The following TSNARE1 variants were observed in gnomAD, a reference collection of about 807,000 sequenced individuals.
The protein encoded by TSNARE1 is t-SNARE domain containing 1.
TSNARE1 carries 49 observed loss-of-function variants against 62.0 expected under a neutral mutation model. That is an observed-to-expected ratio of 0.79 (90% CI 0.63 to 1.00). TSNARE1 has a LOEUF of 1.00. Among genes scored for constraint, TSNARE1 ranks in the 50% least tolerant of loss-of-function variants. The pLI is 0.00. For missense variants in TSNARE1, 755 were observed against 700.1 expected (o/e 1.08, Z -0.88); for synonymous variants, 328 against 294.4 (o/e 1.11, Z -1.17).
Position 142,353,398 on chromosome 8 carries a change from A to G in TSNARE1, c.88+1239T>C, listed in dbSNP as rs560017696. 9.2e-5 allele frequency among the ~76,000 whole-genome samples: 14 copies of G among 152,248 alleles called. No homozygotes were observed. In the South Asian group the frequency reaches 2.9e-3, roughly 32 times the overall value. On this transcript the variant is annotated intron_variant, in intron 2 of 13. Coordinates refer to ENST00000524325, the MANE Select transcript of TSNARE1 (RefSeq NM_145003.5). ...AGGAGGAAAGGGAGGCAGAAGTGGG[A>G]GGAGACCAGGCCAGCCCGGCACTCC... is the stretch of plus-strand genomic sequence containing the variant.
At chr8:142,224,756 G>C (rs1348776817) in intron 13 of TSNARE1, among the ~76,000 whole-genome samples, 1 of 151,956 alleles carries the variant, frequency 6.6e-6, no homozygotes, top group African/African-American at 2.4e-5. Context: ...GAGCTCCCAG[G>C]CTGGCATGGC....
intron 13 of TSNARE1, among the ~76,000 whole-genome samples, chr8:142,219,945 G>A (rs556854515): frequency 6.6e-6 from 1 of 152,368 alleles, no homozygotes; most frequent in South Asian, 2.1e-4. Context: ...AGCAGGAGGT[G>A]AGGAAGAGAC....
At chr8:142,371,358 A>G (rs1454368111) in intron 1 of TSNARE1, among the ~76,000 whole-genome samples, 3 of 152,230 alleles carry the variant, frequency 2.0e-5, no homozygotes, top group Non-Finnish European at 4.4e-5. Context: ...GCCAGGGGCT[A>G]GGGGTCGGCC....
chr8:142,276,065 C>T lies in TSNARE1; in HGVS notation c.1364-1202G>A, dbSNP rs895714588. 3 of 985,324 alleles carry T rather than the reference C, an allele frequency of 3.0e-6. No individual in the cohort carries two copies. The Admixed American group carries it at 1.8e-4, about 61-fold the overall frequency. The allele number at this position is 985,324 out of a possible 1,614,324, so 61.0% of individuals were successfully genotyped here. A position where few individuals can be genotyped will look rare whatever the true frequency, so the allele number is the denominator to read the frequency against. On this transcript the variant is annotated intron_variant, in intron 11 of 13. Coordinates refer to ENST00000524325, the MANE Select transcript of TSNARE1 (RefSeq NM_145003.5). ...CCTTGGTCACCAGCTCCACCCCACCCTTGCCCCCAGCGCAGGGCCCTAGTG... is the reference window on the plus strand; with the variant it reads ...CCTTGGTCACCAGCTCCACCCCACCTTTGCCCCCAGCGCAGGGCCCTAGTG...
chr8:142,366,853 A>G (rs1835583147), intron 1 of TSNARE1, among the ~76,000 whole-genome samples: 1 of 152,228 alleles, frequency 6.6e-6, no homozygotes, highest in Non-Finnish European at 1.5e-5. Flanking sequence ...CTTGTAAATG[A>G]TATGACAGTA....
rs7818102 is a variant in TSNARE1, at chr8:142,358,224, G to A, written c.-39-3461C>T. On this transcript the variant is annotated intron_variant, in intron 1 of 13. Coordinates refer to ENST00000524325, the MANE Select transcript of TSNARE1 (RefSeq NM_145003.5). ...TCTGCTGGGTTTCAGGACAAGGGGA[G>A]CAGCCAGCGGCCATCACTGCAAAGG... 1.4e-4 allele frequency among the ~76,000 whole-genome samples: 9 copies of A among 63,954 alleles called. 1 individual carries two copies. The East Asian group carries it at 2.6e-3, about 19-fold the overall frequency. The allele number at this position is 63,954 out of a possible 152,430, so 42.0% of individuals were successfully genotyped here. A position where few individuals can be genotyped will look rare whatever the true frequency, so the allele number is the denominator to read the frequency against.
chr8:142,391,312 T>A (rs1025233938), intron 1 of TSNARE1, among the ~76,000 whole-genome samples: 7 of 139,434 alleles, frequency 5.0e-5, no homozygotes, highest in Non-Finnish European at 1.1e-4. Context: ...TGTACACTGC[T>A]GGAGACTCTG....
chr8:142,363,360 C>T (rs1012863955), intron 1 of TSNARE1, among the ~76,000 whole-genome samples: 2 of 152,076 alleles, frequency 1.3e-5, no homozygotes, highest in Non-Finnish European at 2.9e-5. Flanking sequence ...CCTGGGGAGA[C>T]GTGGCCTTTT....
intron 1 of TSNARE1, among the ~76,000 whole-genome samples, chr8:142,390,264 G>A (rs1380856273): frequency 6.7e-6 from 1 of 149,844 alleles, no homozygotes; most frequent in Non-Finnish European, 1.5e-5. Context: ...TACACTGCTG[G>A]GGACTCCGTA....
chr8:142,333,259 A>G (rs959504322), intron 4 of TSNARE1, among the ~76,000 whole-genome samples: 1 of 152,210 alleles, frequency 6.6e-6, no homozygotes, highest in African/African-American at 2.4e-5. Context: ...AGCAGCGTTC[A>G]GAAGGAAGCA....
chr8:142,322,596 A>C (rs1470129727), intron 6 of TSNARE1, among the ~76,000 whole-genome samples: 1 of 152,246 alleles, frequency 6.6e-6, no homozygotes, highest in Admixed American at 6.5e-5. Flanking sequence ...AGTACACAGA[A>C]GTCTCTTATA....
intron 1 of TSNARE1, among the ~76,000 whole-genome samples, chr8:142,369,071 C>A (rs1467635153): frequency 1.3e-5 from 2 of 152,252 alleles, no homozygotes; most frequent in Non-Finnish European, 2.9e-5. Flanking sequence ...TGCAATGAGA[C>A]AACCGCCACC....
Position 142,345,662 on chromosome 8 carries a change from T to G in TSNARE1, c.238+81A>C, listed in dbSNP as rs979359967. 3 of 1,436,160 alleles carry G rather than the reference T, an allele frequency of 2.1e-6. No individual in the cohort carries two copies. In the African/African-American group the frequency reaches 4.4e-5, roughly 21 times the overall value. 89.0% of individuals were successfully genotyped at this position (1,436,160 alleles called of 1,614,324 possible). The stretch of plus-strand genomic sequence containing the variant: ...CAGCCTCCTCCCTGCAGCTCCCACC[T>G]GCTGACCCTGCCCTCCTCAGCACCT... On this transcript the variant is annotated intron_variant, in intron 3 of 13. Coordinates refer to ENST00000524325, the MANE Select transcript of TSNARE1 (RefSeq NM_145003.5).
intron 12 of TSNARE1, chr8:142,270,608 T>G (rs1377843016): frequency 2.0e-6 from 2 of 985,044 alleles, no homozygotes; most frequent in African/African-American, 3.5e-5. Flanking sequence ...GCCCTCCAAG[T>G]GTGCATGCCC....
intron 1 of TSNARE1, among the ~76,000 whole-genome samples, chr8:142,402,615 A>T (rs1037770589): frequency 9.2e-5 from 14 of 152,258 alleles, no homozygotes; most frequent in African/African-American, 3.4e-4. Flanking sequence ...ACAGAAAGGC[A>T]TGGAGAGGCA....
chr8:142,365,200 C>G (rs1283146279), intron 1 of TSNARE1, among the ~76,000 whole-genome samples: 1 of 152,200 alleles, frequency 6.6e-6, no homozygotes, highest in Admixed American at 6.5e-5. Flanking sequence ...TCCATGATCT[C>G]CCTGCCCAAA....
chr8:142,233,685 C>G (rs1276325922), intron 12 of TSNARE1, among the ~76,000 whole-genome samples: 1 of 152,222 alleles, frequency 6.6e-6, no homozygotes, highest in Admixed American at 6.5e-5. Context: ...CTGCCTCTTG[C>G]CCCCAGCGGG....
At chr8:142,307,650 C>G (rs1485052933) in intron 9 of TSNARE1, among the ~76,000 whole-genome samples, 4 of 152,192 alleles carry the variant, frequency 2.6e-5, no homozygotes, top group Admixed American at 2.6e-4. Context: ...TTCAGAACAG[C>G]TGCCATCTTT....
chr8:142,346,504 C>A (rs1563961046), intron 2 of TSNARE1, among the ~76,000 whole-genome samples: 2 of 152,268 alleles, frequency 1.3e-5, no homozygotes, highest in African/African-American at 4.8e-5. Context: ...ATTCATTGAT[C>A]CTCAGATGCA....
Sources: allele counts gnomAD v4.1 joint callset (sites outside exome capture counted in the v4.1 genomes callset), GRCh38; gene constraint gnomAD v4.1.1; transcripts MANE v1.5; gene names NCBI Gene and HGNC (gene_info 2026-07-23, HGNC 2026-07-21).